GRIA3: variants seen among roughly 807,000 people sequenced by gnomAD.
GRIA3 encodes glutamate receptor 3.
Under a neutral mutation model 63.0 loss-of-function variants are expected in GRIA3, and 3 were observed. The ratio of observed to expected loss-of-function variants is 0.05; its 90% confidence interval spans 0.02 to 0.12. GRIA3 has a LOEUF of 0.12. GRIA3 is among the 10% of genes least tolerant of loss of function. The pLI is 1.00. For missense variants in GRIA3, 347 were observed against 700.9 expected, an observed-to-expected ratio of 0.50 and a Z score of 5.70; for synonymous variants, 274 against 257.9, an observed-to-expected ratio of 1.06 and a Z score of -0.60.
intron 11 of GRIA3, among the ~76,000 whole-genome samples, chrX:123,424,186 A>G (rs1469491637): frequency 8.9e-6 from 1 of 112,151 alleles, no homozygotes; most frequent in African/African-American, 3.2e-5. Flanking sequence ...GATACTGGAA[A>G]ATGACAGGTC....
chrX:123,241,998 C>T (rs1266001352), intron 2 of GRIA3, among the ~76,000 whole-genome samples: 1 of 110,929 alleles, frequency 9.0e-6, no homozygotes, highest in African/African-American at 3.3e-5. Flanking sequence ...AGGGGATGGA[C>T]CCACCTGCCA....
At chrX:123,430,988 AAAAACAAAAC>A (rs1166378619) in intron 12 of GRIA3, among the ~76,000 whole-genome samples, 1 of 103,344 alleles carries the variant, frequency 9.7e-6, no homozygotes, top group Admixed American at 1.1e-4. Context: ...TCTCAAAAAC[AAAAACAAAAC>A]AAAACAAAAC....
intron 2 of GRIA3, among the ~76,000 whole-genome samples, chrX:123,232,143 A>C (rs1281484238): frequency 1.8e-5 from 2 of 112,019 alleles, no homozygotes; most frequent in Non-Finnish European, 3.8e-5. Flanking sequence ...GAATTTTCAC[A>C]TATGTATGCA....
At chrX:123,281,174 G>A (rs183399037) in intron 3 of GRIA3, among the ~76,000 whole-genome samples, 1 of 111,697 alleles carries the variant, frequency 9.0e-6, no homozygotes, top group Non-Finnish European at 1.9e-5. Context: ...GTAGCACTCA[G>A]AATAGCTTAG....
In GRIA3 at chrX:123,486,112, AAAAG is replaced by A. The variant is rs1395938939; in HGVS notation, c.*3-2591_*3-2588del. 8.0e-5 allele frequency among the ~76,000 whole-genome samples: 8 copies of A among 99,809 alleles called. No homozygotes were observed. In the East Asian group the frequency reaches 9.6e-4, roughly 12 times the overall value. The allele number at this position is 99,809 out of a possible 115,157, so 86.7% of individuals were successfully genotyped here. A position where few individuals can be genotyped will look rare whatever the true frequency, so the allele number is the denominator to read the frequency against. ...GGAGGCAGGGAGGCAGGGAGGGGGG[AAAAG>A]AAAGAAAGAGGGAAGGAAGGAGGGA... is the stretch of plus-strand genomic sequence containing the variant. On this transcript the variant is annotated intron_variant, in intron 15 of 15. Coordinates refer to ENST00000620443, the MANE Select transcript of GRIA3 (RefSeq NM_007325.5).
intron 4 of GRIA3, among the ~76,000 whole-genome samples, chrX:123,336,572 A>C (rs2044975626): frequency 8.9e-6 from 1 of 111,790 alleles, no homozygotes; most frequent in African/African-American, 3.3e-5. Flanking sequence ...GGGTGGAGCC[A>C]AAGTGGAAGA....
rs1224955627 is a variant in GRIA3 at position 123,271,712 on chromosome X, A to G, written c.508+18170A>G. ...ATGCATCATTTCCTTTAGTCGTCAC[A>G]AAAATTTTACCAAGGAAGTACTGTC... On this transcript the variant is annotated intron_variant, in intron 3 of 15. Coordinates refer to ENST00000620443, the MANE Select transcript of GRIA3 (RefSeq NM_007325.5). Among the ~76,000 whole-genome samples, 9 of 112,058 alleles carry G rather than the reference A, an allele frequency of 8.0e-5. No individual in the cohort carries two copies. In the East Asian group the frequency reaches 2.5e-3, roughly 31 times the overall value.
chrX:123,439,794 T>C (rs1603156633), intron 12 of GRIA3, among the ~76,000 whole-genome samples: 1 of 71,607 alleles, frequency 1.4e-5, no homozygotes, highest in Admixed American at 1.6e-4. Flanking sequence ...ATTCTTGTTC[T>C]TTTTTTTTTA....
chrX:123,329,967 G>A (rs778730221), intron 4 of GRIA3, among the ~76,000 whole-genome samples: 1 of 111,740 alleles, frequency 8.9e-6, no homozygotes, highest in Non-Finnish European at 1.9e-5. Context: ...ATTCAGAGAC[G>A]CAGCATAACA....
chrX:123,351,906 T>G (rs991644588), intron 4 of GRIA3, among the ~76,000 whole-genome samples: 2 of 111,821 alleles, frequency 1.8e-5, no homozygotes, highest in Non-Finnish European at 3.8e-5. Flanking sequence ...AAGGGTGTTG[T>G]TATAAGACAG....
intron 3 of GRIA3, among the ~76,000 whole-genome samples, chrX:123,312,517 G>A (rs2044801491): frequency 8.9e-6 from 1 of 112,265 alleles, no homozygotes; most frequent in South Asian, 3.7e-4. Context: ...GTGTGAGTAA[G>A]CAGGGTGAAC....
intron 2 of GRIA3, among the ~76,000 whole-genome samples, chrX:123,190,171 A>G (rs1247402870): frequency 9.0e-6 from 1 of 110,712 alleles, no homozygotes; most frequent in Non-Finnish European, 1.9e-5. Context: ...GATCAAGATC[A>G]AGCCTCCTTC....
intron 2 of GRIA3, among the ~76,000 whole-genome samples, chrX:123,234,191 A>G (rs1272150629): frequency 9.0e-6 from 1 of 111,207 alleles, no homozygotes; most frequent in Admixed American, 9.5e-5. Context: ...GATCTGCCCC[A>G]GTAGTGGAAG....
intron 11 of GRIA3, among the ~76,000 whole-genome samples, chrX:123,418,462 GA>G (rs1035657913): frequency 9.3e-6 from 1 of 107,974 alleles, no homozygotes; most frequent in African/African-American, 3.4e-5. Flanking sequence ...TTAAGAAAAT[GA>G]AAAAAAAACC....
chrX:123,203,160 C>G (rs1927791331), intron 2 of GRIA3, among the ~76,000 whole-genome samples: 1 of 111,703 alleles, frequency 9.0e-6, no homozygotes, highest in African/African-American at 3.3e-5. Context: ...TATACATGGT[C>G]TCAGAACTGT....
intron 3 of GRIA3, among the ~76,000 whole-genome samples, chrX:123,314,617 G>A (rs192256650): frequency 3.6e-5 from 4 of 112,259 alleles, no homozygotes; most frequent in Non-Finnish European, 7.5e-5. Flanking sequence ...TTCACTCAAT[G>A]AAACTGACAT....
At chrX:123,280,008 T>C (rs2044576077) in intron 3 of GRIA3, among the ~76,000 whole-genome samples, 1 of 112,535 alleles carries the variant, frequency 8.9e-6, no homozygotes, top group Non-Finnish European at 1.9e-5. Context: ...ACTAGACTAT[T>C]TGATGAATCA....
intron 5 of GRIA3, among the ~76,000 whole-genome samples, chrX:123,376,058 A>G (rs1732395585): frequency 8.9e-6 from 1 of 111,886 alleles, no homozygotes; most frequent in African/African-American, 3.2e-5. Context: ...AGTTTATGGA[A>G]AAATGGTCTC....
At chrX:123,292,749 G>A (rs1366297660) in intron 3 of GRIA3, among the ~76,000 whole-genome samples, 1 of 111,252 alleles carries the variant, frequency 9.0e-6, no homozygotes, top group Non-Finnish European at 1.9e-5. Flanking sequence ...TCAAGAAGTG[G>A]CCAGTAGGAT....
Sources: allele counts gnomAD v4.1 joint callset (sites outside exome capture counted in the v4.1 genomes callset), GRCh38; gene constraint gnomAD v4.1.1; transcripts MANE v1.5; gene names NCBI Gene and HGNC (gene_info 2026-07-23, HGNC 2026-07-21).